PTGIS: variants seen among roughly 807,000 people sequenced by gnomAD.
PTGIS encodes the protein prostacyclin synthase.
A neutral mutation model predicts 50.3 loss-of-function variants in PTGIS; 45 were observed. The ratio of observed to expected loss-of-function variants is 0.90; its 90% CI spans 0.70 to 1.15. The LOEUF (loss-of-function observed/expected upper bound fraction) is 1.15. Among genes scored for constraint, PTGIS ranks in the 50% most tolerant of loss-of-function variants. The probability of loss-of-function intolerance (pLI) is 0.00; values close to 1 mark genes in which losing one functional copy is unlikely to be tolerated. For synonymous variants in PTGIS, 260 were observed against 267.7 expected (o/e 0.97, Z 0.28); for missense variants, 668 against 661.3 (o/e 1.01, Z -0.11).
intron 1 of PTGIS, among the ~76,000 whole-genome samples, chr20:49,558,299 G>T (rs996716208): frequency 6.6e-6 from 1 of 152,142 alleles, no homozygotes; most frequent in African/African-American, 2.4e-5. Context: ...TGAGTTTGGG[G>T]GATCACTTGA....
intron 4 of PTGIS, among the ~76,000 whole-genome samples, chr20:49,542,504 A>G (rs976607057): frequency 2.0e-5 from 3 of 152,118 alleles, no homozygotes; most frequent in African/African-American, 7.2e-5. Flanking sequence ...TGTACCATGG[A>G]GCCTAGCCAG....
chr20:49,522,456 C>T (rs1028835245), intron 6 of PTGIS, among the ~76,000 whole-genome samples: 2 of 151,836 alleles, frequency 1.3e-5, no homozygotes, highest in African/African-American at 4.8e-5. Flanking sequence ...AAATGGTAAT[C>T]GACACAACAC....
At chr20:49,542,605 G>A (rs1416993754) in intron 4 of PTGIS, among the ~76,000 whole-genome samples, 1 of 152,166 alleles carries the variant, frequency 6.6e-6, no homozygotes, top group East Asian at 1.9e-4. Context: ...AGACCTGGGA[G>A]GATCACTACT....
rs566829809 is a variant in PTGIS at position 49,557,419 on chromosome 20, C to T, written c.75-7230G>A. Among the ~76,000 whole-genome samples the T allele has an allele frequency of 3.3e-5, 5 of 151,750 alleles. No individual in the cohort carries two copies. The South Asian group carries it at 6.3e-4, about 19-fold the overall frequency. Reference sequence around the variant, plus strand: ...CAGCCTGGGAAACAGAGTGAGACCCCGTCTCTACTAAAAATTAAAAAAATT... The same window carrying T: ...CAGCCTGGGAAACAGAGTGAGACCCTGTCTCTACTAAAAATTAAAAAAATT... On this transcript the variant is annotated intron_variant, in intron 1 of 9. Coordinates refer to ENST00000244043, the MANE Select transcript of PTGIS (RefSeq NM_000961.4).
In PTGIS at chr20:49,504,306, GA is replaced by G. The variant is rs1033735759; in HGVS notation, c.*3613del. 1 of 152,184 alleles carries G rather than the reference GA, an allele frequency of 6.6e-6. No homozygotes were observed. The highest frequency in any genetic ancestry group is 2.4e-5 in the African/African-American group (1 of 41,404). The allele number at this position is 152,184 out of a possible 1,614,324, so 9.4% of individuals were successfully genotyped here. A position where few individuals can be genotyped will look rare whatever the true frequency, so the allele number is the denominator to read the frequency against. ...CCAGCATGGAGCCCCCTTCCCCAGC[GA>G]ATTTATTTTTCATGGTCACTTTCTA... On this transcript the variant is annotated 3_prime_UTR_variant, in exon 10 of 10. Coordinates refer to ENST00000244043, the MANE Select transcript of PTGIS (RefSeq NM_000961.4).
intron 5 of PTGIS, among the ~76,000 whole-genome samples, chr20:49,530,281 G>C (rs1237093766): frequency 6.6e-6 from 1 of 152,202 alleles, no homozygotes; most frequent in Non-Finnish European, 1.5e-5. Flanking sequence ...TATCCCCTGA[G>C]GTTAAGAGGG....
At chr20:49,519,823 C>G (rs1190409860) in intron 6 of PTGIS, among the ~76,000 whole-genome samples, 2 of 151,492 alleles carry the variant, frequency 1.3e-5, no homozygotes, top group Non-Finnish European at 2.9e-5. Flanking sequence ...ATGGCCTCCC[C>G]CAAGGTCCCA....
intron 5 of PTGIS, among the ~76,000 whole-genome samples, chr20:49,536,474 C>CTTTTTTTTTTTTT (rs1982073506): frequency 8.0e-6 from 1 of 125,602 alleles, no homozygotes; most frequent in Admixed American, 7.7e-5. Flanking sequence ...TTCTTTCTTT[C>CTTTTTTTTTTTTT]TTTCTTTTTT....
intron 1 of PTGIS, among the ~76,000 whole-genome samples, chr20:49,553,273 T>C (rs1601201867): frequency 6.6e-6 from 1 of 152,106 alleles, no homozygotes; most frequent in South Asian, 2.1e-4. Flanking sequence ...AACTTTTTGA[T>C]AAATAAGGCA....
chr20:49,505,933 G>T lies in PTGIS; in HGVS notation c.*1987C>A, dbSNP rs907772994. 3.9e-5 allele frequency: 6 copies of T among 152,772 alleles called. No homozygotes were observed. Among genetic ancestry groups the T allele is most frequent in the African/African-American group, 1.2e-4 (5 of 41,574 alleles). The allele number at this position is 152,772 out of a possible 1,614,324, so 9.5% of individuals were successfully genotyped here. A position where few individuals can be genotyped will look rare whatever the true frequency, so the allele number is the denominator to read the frequency against. ...AGACTAGCCTCTGGGACATTCAGAG[G>T]TCTGGGGTTCTTTTATCTCCCTCCA... is the stretch of plus-strand genomic sequence containing the variant. On this transcript the variant is annotated 3_prime_UTR_variant, in exon 10 of 10. Transcript: ENST00000244043.
At chr20:49,524,369 G>A (rs1981740220) in intron 5 of PTGIS, 130 bp from the exon 6 acceptor site, 2 of 1,079,254 alleles carry the variant, frequency 1.9e-6, no homozygotes, top group South Asian at 1.6e-5. Context: ...GAGTTCCTGT[G>A]GGAAAGAAGC....
intron 9 of PTGIS, 32 bp from the exon 10 acceptor site, chr20:49,508,096 A>G: frequency 6.2e-7 from 1 of 1,612,646 alleles, no homozygotes; most frequent in Non-Finnish European, 8.5e-7. Context: ...GGTGTGAAGG[A>G]GAGGAGTAGG....
chr20:49,537,480 C>A (rs1181126574), intron 5 of PTGIS, among the ~76,000 whole-genome samples: 2 of 152,168 alleles, frequency 1.3e-5, no homozygotes, highest in Non-Finnish European at 2.9e-5. Flanking sequence ...CTAGGCAGGG[C>A]GTGGTGGCTC....
At chr20:49,561,675 C>A (rs758278746) in intron 1 of PTGIS, among the ~76,000 whole-genome samples, 1 of 152,208 alleles carries the variant, frequency 6.6e-6, no homozygotes, top group Non-Finnish European at 1.5e-5. Context: ...ATCCCAGCCA[C>A]GCTTCTTGCT....
intron 5 of PTGIS, among the ~76,000 whole-genome samples, chr20:49,538,078 A>G (rs2122874336): frequency 6.6e-6 from 1 of 151,810 alleles, no homozygotes; most frequent in South Asian, 2.1e-4. Context: ...ACATAGTGAA[A>G]CCTCATCTCT....
chr20:49,567,816 G>C (rs974715328), intron 1 of PTGIS, among the ~76,000 whole-genome samples: 1 of 152,186 alleles, frequency 6.6e-6, no homozygotes, highest in Admixed American at 6.5e-5. Context: ...GGACCTACCG[G>C]ACCCCGCACC....
rs1215627609 is a variant in PTGIS, at chr20:49,506,985, G to C, written c.*935C>G. 1 of 152,224 alleles carries C rather than the reference G, an allele frequency of 6.6e-6. No individual in the cohort carries two copies. The highest frequency in any genetic ancestry group is 1.5e-5 in the Non-Finnish European group (1 of 68,050). The allele number at this position is 152,224 out of a possible 1,614,324, so 9.4% of individuals were successfully genotyped here. ...GTTTTCAAGAGAAGCTGGACATTTTGAATGAACTCTCCCAAAGATGATAAC... is the reference window on the plus strand; with the variant it reads ...GTTTTCAAGAGAAGCTGGACATTTTCAATGAACTCTCCCAAAGATGATAAC... On this transcript the variant is annotated 3_prime_UTR_variant, in exon 10 of 10. Transcript: ENST00000244043.
At chr20:49,542,454 C>A (rs925116526) in intron 4 of PTGIS, among the ~76,000 whole-genome samples, 8 of 152,222 alleles carry the variant, frequency 5.3e-5, no homozygotes, top group Non-Finnish European at 1.0e-4. Flanking sequence ...TATGGATTTA[C>A]GTCTGATTCC....
chr20:49,524,733 T>G (rs1261972069), intron 5 of PTGIS, among the ~76,000 whole-genome samples: 1 of 151,148 alleles, frequency 6.6e-6, no homozygotes, highest in Non-Finnish European at 1.5e-5. Context: ...CAAGAGAAAA[T>G]GAAAGCCAAG....
Sources: gnomAD v4.1 joint callset for allele counts (sites outside exome capture counted in the v4.1 genomes callset) on GRCh38, gnomAD v4.1.1 for gene constraint, MANE v1.5 for transcripts, NCBI Gene and HGNC (gene_info 2026-07-23, HGNC 2026-07-21) for gene names.